The following PCSK6 variants were observed in gnomAD, a reference collection of about 807,000 sequenced individuals.
PCSK6 encodes proprotein convertase subtilisin/kexin type 6, also known as paired basic amino acid cleaving enzyme 4.
Under a neutral mutation model 123.3 loss-of-function variants are expected in PCSK6, and 85 were observed. That is an observed-to-expected ratio of 0.69 (90% CI 0.58 to 0.83). PCSK6 has a LOEUF of 0.83. Among genes scored for constraint, PCSK6 ranks in the 40% least tolerant of loss-of-function variants. The pLI, the probability that PCSK6 is intolerant of heterozygous loss-of-function variation, is 0.00. For synonymous variants in PCSK6, 508 were observed against 516.0 expected, an observed-to-expected ratio of 0.98 and a Z score of 0.21; for missense variants, 1,191 against 1,282.3, an observed-to-expected ratio of 0.93 and a Z score of 1.09.
intron 19 of PCSK6, among the ~76,000 whole-genome samples, chr15:101,316,679 G>A (rs556948671): frequency 1.3e-5 from 2 of 152,226 alleles, no homozygotes; most frequent in Non-Finnish European, 2.9e-5. Flanking sequence ...CCCCAGGAGG[G>A]AACTGAGGAG....
rs554599719 is a variant in PCSK6, at chr15:101,363,269, T to C, written c.1858+2927A>G. Among the ~76,000 whole-genome samples the C allele has an allele frequency of 3.9e-5, 6 of 152,326 alleles. No individual in the cohort carries two copies. The South Asian group carries it at 1.0e-3, about 26-fold the overall frequency. ...GGGACATGGGTAGGGCTCGTTGTAT[T>C]CGGCTCATGATACAGAGTAAAGATC... is the stretch of plus-strand genomic sequence containing the variant. On this transcript the variant is annotated intron_variant, in intron 13 of 21. Coordinates refer to ENST00000611716, the MANE Select transcript of PCSK6 (RefSeq NM_002570.5).
chr15:101,309,283 G>A (rs2039798033), intron 20 of PCSK6, among the ~76,000 whole-genome samples: 1 of 152,204 alleles, frequency 6.6e-6, no homozygotes, highest in South Asian at 2.1e-4. Context: ...AGGGAGATGG[G>A]TGATGCTCCC....
At position 101,398,591 on chromosome 15, in the gene PCSK6, G is replaced by A; in HGVS notation, c.824-15C>T. ...CATGCGGATGCCTGAAAGCACAGAG[G>A]AGGCTCGGTGTCGGCGCCCAGGCTC... is the stretch of plus-strand genomic sequence containing the variant. On this transcript the variant is annotated splice_polypyrimidine_tract_variant and intron_variant, in intron 6 of 21. Coordinates refer to ENST00000611716, the MANE Select transcript of PCSK6 (RefSeq NM_002570.5). This position sits in a 1 kb window ranked among gnomAD's most constrained non-coding sequence, Gnocchi z 4.6. 1.2e-6 allele frequency: 2 copies of A among 1,600,372 alleles called. No homozygotes were observed. The highest frequency in any genetic ancestry group is 1.7e-6 in the Non-Finnish European group (2 of 1,171,478).
intron 13 of PCSK6, among the ~76,000 whole-genome samples, chr15:101,354,948 C>T (rs2040997806): frequency 6.6e-6 from 1 of 152,252 alleles, no homozygotes; most frequent in African/African-American, 2.4e-5. Flanking sequence ...TGATTCTATA[C>T]TGATTTGTAA....
intron 13 of PCSK6, among the ~76,000 whole-genome samples, chr15:101,363,429 G>A (rs2041292612): frequency 2.0e-5 from 3 of 152,212 alleles, no homozygotes; most frequent in Admixed American, 6.5e-5. Flanking sequence ...ATGCAGGCTG[G>A]CATGAGAACT....
chr15:101,462,926 G>A (rs1364374566), intron 1 of PCSK6: 1 of 442,246 alleles, frequency 2.3e-6, no homozygotes, highest in South Asian at 1.6e-5. Flanking sequence ...GTGGAGAAAG[G>A]TCACCAGCTT....
chr15:101,345,038 A>C (rs181617824), intron 13 of PCSK6, among the ~76,000 whole-genome samples: 1 of 152,160 alleles, frequency 6.6e-6, no homozygotes, highest in Non-Finnish European at 1.5e-5. Context: ...GTTTGTAAGC[A>C]CTTGTTTTGT....
At position 101,431,582 on chromosome 15, in the gene PCSK6, C is replaced by T. The variant is rs968144842; in HGVS notation, c.514-119G>A. On this transcript the variant is annotated intron_variant, in intron 3 of 21. Transcript: ENST00000611716. Reference sequence around the variant, plus strand: ...TTGCAAGTAAAAAAGGAGGGAACACCTATCCCTGCCTTACATAGCAGAGCT... The same window carrying T: ...TTGCAAGTAAAAAAGGAGGGAACACTTATCCCTGCCTTACATAGCAGAGCT... 109 of 1,172,690 alleles carry T rather than the reference C, an allele frequency of 9.3e-5. 7 individuals are homozygous for T. The South Asian group carries it at 1.4e-3, about 15-fold the overall frequency. The allele number at this position is 1,172,690 out of a possible 1,614,324, so 72.6% of individuals were successfully genotyped here. A position where few individuals can be genotyped will look rare whatever the true frequency, so the allele number is the denominator to read the frequency against.
chr15:101,321,459 C>T (rs1180092141), intron 18 of PCSK6, among the ~76,000 whole-genome samples: 1 of 152,290 alleles, frequency 6.6e-6, no homozygotes, highest in South Asian at 2.1e-4. Context: ...CTTCATCTCC[C>T]CTGTTTGTAA....
intron 16 of PCSK6, among the ~76,000 whole-genome samples, 162 bp from the exon 17 acceptor site, chr15:101,325,208 G>A (rs961422236): frequency 9.9e-5 from 15 of 152,188 alleles, no homozygotes; most frequent in African/African-American, 3.4e-4. Context: ...ACGTACACAG[G>A]TGGAGAGGCT....
At chr15:101,343,803 T>A (rs2040671931) in intron 13 of PCSK6, among the ~76,000 whole-genome samples, 1 of 152,180 alleles carries the variant, frequency 6.6e-6, no homozygotes, top group Admixed American at 6.5e-5. Context: ...GAAAAGTGGG[T>A]GTATTGGCCG....
At chr15:101,389,629 G>A (rs2042167790) in intron 8 of PCSK6, 65 bp from the exon 9 acceptor site, 1 of 1,309,396 alleles carries the variant, frequency 7.6e-7, no homozygotes, top group Non-Finnish European at 1.1e-6. Flanking sequence ...TGTGGAGAAG[G>A]CTGGGCTACT....
At chr15:101,377,831 G>A (rs1356285808) in intron 11 of PCSK6, among the ~76,000 whole-genome samples, 1 of 152,230 alleles carries the variant, frequency 6.6e-6, no homozygotes, top group African/African-American at 2.4e-5. Flanking sequence ...GGTTGTGGGT[G>A]TGTGAAGAGT....
rs1194357898 is a variant in PCSK6 at position 101,489,576 on chromosome 15, C to T, written c.95G>A (p.Gly32Asp). The T allele has an allele frequency of 3.9e-5, 38 of 973,142 alleles. 1 individual carries two copies. The South Asian group carries it at 1.5e-3, about 39-fold the overall frequency. 60.3% of individuals were successfully genotyped at this position (973,142 alleles called of 1,614,324 possible). The part of the protein sequence containing the change: ...DTAAGAGGAG[G>D]AGGAGGPGFR... ...CCCGGGCCCGCCGGCGCCCCCCGCG[C>T]CCCCCGCGCCCCCCGCGCCCGCGGC... The change falls in exon 1 of 22, where the codon GGC becomes GAC. Residue 32 changes from glycine to aspartate, a missense_variant. Coordinates refer to ENST00000611716, the MANE Select transcript of PCSK6 (RefSeq NM_002570.5).
At chr15:101,419,583 C>G (rs1390364895) in intron 6 of PCSK6, among the ~76,000 whole-genome samples, 1 of 149,346 alleles carries the variant, frequency 6.7e-6, no homozygotes, top group Non-Finnish European at 1.5e-5. Flanking sequence ...TCAAGTTCAT[C>G]TGAAAGAGAA....
chr15:101,401,364 C>T (rs2042578832), intron 6 of PCSK6, among the ~76,000 whole-genome samples: 1 of 152,230 alleles, frequency 6.6e-6, no homozygotes, highest in Non-Finnish European at 1.5e-5. Flanking sequence ...CTTCTCACTC[C>T]ACCTGTTTCC....
At chr15:101,353,672 A>G (rs963600783) in intron 13 of PCSK6, among the ~76,000 whole-genome samples, 1 of 152,256 alleles carries the variant, frequency 6.6e-6, no homozygotes, top group Admixed American at 6.5e-5. Flanking sequence ...AAATCCAACC[A>G]GAAATATCCT....
intron 6 of PCSK6, among the ~76,000 whole-genome samples, chr15:101,419,331 T>TA (rs1209373860): frequency 6.6e-6 from 1 of 151,982 alleles, no homozygotes; most frequent in Admixed American, 6.6e-5. Flanking sequence ...TACAAATTTT[T>TA]AAAAAATCTA....
intron 3 of PCSK6, 73 bp downstream of exon 3, chr15:101,431,917 A>C: frequency 9.5e-7 from 1 of 1,055,588 alleles, no homozygotes; most frequent in South Asian, 1.3e-5. Flanking sequence ...AGCTTTGTTG[A>C]GGGAAATTAA....
Sources: gnomAD v4.1 joint callset for allele counts (sites outside exome capture counted in the v4.1 genomes callset) on GRCh38, gnomAD v4.1.1 for gene constraint, Gnocchi (gnomAD v3.1) non-coding constraint, MANE v1.5 for transcripts, NCBI Gene and HGNC (gene_info 2026-07-23, HGNC 2026-07-21) for gene names.